The following PRKCB variants were observed in gnomAD, a reference collection of about 807,000 sequenced individuals.
PRKCB encodes the protein protein kinase C beta type.
In PRKCB, 13 loss-of-function variants were observed where a neutral mutation model predicts 81.5. That is an observed-to-expected ratio of 0.16 (90% CI 0.10 to 0.25). PRKCB has a LOEUF of 0.25. Ranked by LOEUF, PRKCB falls within the 10% of genes least tolerant of loss-of-function variation. The pLI, the probability that PRKCB is intolerant of heterozygous loss-of-function variation, is 1.00. For missense variants in PRKCB, 509 were observed against 875.7 expected, an observed-to-expected ratio of 0.58 and a Z score of 5.29; for synonymous variants, 335 against 321.4, an observed-to-expected ratio of 1.04 and a Z score of -0.45.
intron 7 of PRKCB, chr16:24,098,402 A>G (rs946723259): frequency 1.3e-5 from 2 of 152,234 alleles, no homozygotes; most frequent in African/African-American, 4.8e-5. Flanking sequence ...AAACTGACTG[A>G]TATACAGGAC....
intron 2 of PRKCB, among the ~76,000 whole-genome samples, chr16:23,975,067 A>G (rs1567331353): frequency 6.6e-6 from 1 of 152,230 alleles, no homozygotes; most frequent in Non-Finnish European, 1.5e-5. Flanking sequence ...TCCAGCTACC[A>G]GAGAAAAGGG....
intron 10 of PRKCB, among the ~76,000 whole-genome samples, chr16:24,156,175 G>A (rs188862556): frequency 1.3e-5 from 2 of 152,156 alleles, no homozygotes; most frequent in Non-Finnish European, 2.9e-5. Flanking sequence ...TAGTGGTATA[G>A]TTCCTGTGAG....
At chr16:24,031,563 A>G (rs1319648666) in intron 3 of PRKCB, among the ~76,000 whole-genome samples, 2 of 152,220 alleles carry the variant, frequency 1.3e-5, no homozygotes, top group African/African-American at 4.8e-5. Context: ...CTAAAACTCA[A>G]GGATTCTACT....
intron 2 of PRKCB, among the ~76,000 whole-genome samples, chr16:23,913,281 A>G (rs376843374): frequency 5.9e-5 from 9 of 151,998 alleles, no homozygotes; most frequent in African/African-American, 2.2e-4. Context: ...TCCAGTTCCC[A>G]GTTCTCTTCC....
At chr16:23,974,899 G>C (rs1365355452) in intron 2 of PRKCB, among the ~76,000 whole-genome samples, 1 of 152,122 alleles carries the variant, frequency 6.6e-6, no homozygotes, top group Non-Finnish European at 1.5e-5. Context: ...GCTGTTTTCT[G>C]TCCTTGTCCC....
chr16:24,042,729 A>G (rs898459054), intron 5 of PRKCB, among the ~76,000 whole-genome samples: 2 of 143,474 alleles, frequency 1.4e-5, no homozygotes, highest in Non-Finnish European at 3.0e-5. Context: ...TGTACATACA[A>G]TGATACATAC....
At chr16:23,925,506 T>C (rs912656613) in intron 2 of PRKCB, among the ~76,000 whole-genome samples, 2 of 152,094 alleles carry the variant, frequency 1.3e-5, no homozygotes, top group African/African-American at 4.8e-5. Flanking sequence ...TCTAGGGGAC[T>C]GGGGATCCAA....
intron 16 of PRKCB, among the ~76,000 whole-genome samples, chr16:24,214,338 G>A (rs1968190696): frequency 1.3e-5 from 2 of 152,018 alleles, no homozygotes; most frequent in South Asian, 4.2e-4. Flanking sequence ...GGGTGGGTTG[G>A]GGGGACATGC....
intron 2 of PRKCB, among the ~76,000 whole-genome samples, chr16:23,986,594 A>G (rs563315019): frequency 1.4e-3 from 218 of 152,270 alleles, no homozygotes; most frequent in Non-Finnish European, 2.3e-3. Flanking sequence ...ACGTATATTT[A>G]AACTTATAAT....
chr16:23,923,191 A>G (rs1312129506), intron 2 of PRKCB, among the ~76,000 whole-genome samples: 1 of 152,102 alleles, frequency 6.6e-6, no homozygotes, highest in African/African-American at 2.4e-5. Context: ...TTGCCTTTAT[A>G]AAACCAAAAA....
chr16:23,862,929 T>C lies in PRKCB; in HGVS notation c.205+25523T>C, dbSNP rs572847256. On this transcript the variant is annotated intron_variant, in intron 2 of 16. Transcript: ENST00000643927. ...GCTTGGCAGTGTCCAGCTATCCCGATATCTTGAGAACAAAGGCATTCCTAA... is the reference window on the plus strand; with the variant it reads ...GCTTGGCAGTGTCCAGCTATCCCGACATCTTGAGAACAAAGGCATTCCTAA... Among the ~76,000 whole-genome samples the C allele has an allele frequency of 2.7e-5, 4 of 150,538 alleles. No homozygotes were observed. In the South Asian group the frequency reaches 6.2e-4, roughly 23 times the overall value.
intron 2 of PRKCB, among the ~76,000 whole-genome samples, chr16:23,940,237 C>T (rs1307428607): frequency 6.6e-6 from 1 of 152,086 alleles, no homozygotes; most frequent in African/African-American, 2.4e-5. Context: ...AGATCACCCA[C>T]ACATGGTTGC....
intron 2 of PRKCB, among the ~76,000 whole-genome samples, chr16:23,879,027 A>G (rs1046535440): frequency 1.3e-5 from 2 of 152,082 alleles, no homozygotes; most frequent in African/African-American, 2.4e-5. Context: ...AATACAAAAA[A>G]ATCAGTGGGG....
At chr16:24,127,296 A>T in intron 9 of PRKCB, among the ~76,000 whole-genome samples, 1 of 152,010 alleles carries the variant, frequency 6.6e-6, no homozygotes, top group Non-Finnish European at 1.5e-5. Context: ...GTGAGCCACC[A>T]CGCCCGGCCA....
chr16:23,842,774 T>C (rs1962289228), intron 2 of PRKCB, among the ~76,000 whole-genome samples: 1 of 152,222 alleles, frequency 6.6e-6, no homozygotes, highest in African/African-American at 2.4e-5. Context: ...ACTCCAACTA[T>C]TGTTGTTTTC....
At chr16:24,194,227 T>C (rs1490033735) in intron 16 of PRKCB, among the ~76,000 whole-genome samples, 3 of 152,078 alleles carry the variant, frequency 2.0e-5, no homozygotes, top group African/African-American at 7.2e-5. Context: ...CTTGGGAGGC[T>C]GAGGATAGAG....
At chr16:23,951,944 G>C (rs1964290367) in intron 2 of PRKCB, among the ~76,000 whole-genome samples, 1 of 152,054 alleles carries the variant, frequency 6.6e-6, no homozygotes, top group African/African-American at 2.4e-5. Context: ...CACATTGATT[G>C]GTGGTGACCT....
At chr16:23,983,050 T>C (rs2141817782) in intron 2 of PRKCB, among the ~76,000 whole-genome samples, 1 of 151,978 alleles carries the variant, frequency 6.6e-6, no homozygotes, top group Middle Eastern at 3.4e-3. Context: ...CTTAACTGGG[T>C]ACCTGTTTGA....
intron 5 of PRKCB, among the ~76,000 whole-genome samples, chr16:24,063,702 C>A (rs184569982): frequency 3.9e-5 from 6 of 152,206 alleles, no homozygotes; most frequent in Admixed American, 6.5e-5. Context: ...GAGTGAGTAG[C>A]CTGCATGAAT....
Sources: gnomAD v4.1 joint callset for allele counts (sites outside exome capture counted in the v4.1 genomes callset) on GRCh38, gnomAD v4.1.1 for gene constraint, MANE v1.5 for transcripts, NCBI Gene and HGNC (gene_info 2026-07-23, HGNC 2026-07-21) for gene names.